AOPEP: variants seen among roughly 807,000 people sequenced by gnomAD.
AOPEP encodes the protein aminopeptidase O (putative).
In AOPEP, 77 loss-of-function variants were observed where a neutral mutation model predicts 98.1. That is an observed-to-expected ratio of 0.78 (90% CI 0.65 to 0.95). The LOEUF (loss-of-function observed/expected upper bound fraction) is 0.95. Among genes scored for constraint, AOPEP ranks in the 40% least tolerant of loss-of-function variants. The pLI is 0.00. For missense variants in AOPEP, 1,024 were observed against 1,024.7 expected (o/e 1.00, Z 0.01); for synonymous variants, 346 against 365.3 (o/e 0.95, Z 0.60).
At chr9:94,974,714 G>A (rs192118509) in intron 10 of AOPEP, among the ~76,000 whole-genome samples, 102 of 152,280 alleles carry the variant, frequency 6.7e-4, no homozygotes, top group African/African-American at 2.4e-3. Flanking sequence ...GGGGAAGTCG[G>A]CATGGTTTGG....
intron 7 of AOPEP, among the ~76,000 whole-genome samples, chr9:94,940,264 T>C (rs999553459): frequency 6.6e-6 from 1 of 152,194 alleles, no homozygotes; most frequent in African/African-American, 2.4e-5. Context: ...TTAGAACATG[T>C]ATGTTAAGTT....
chr9:94,920,608 T>G (rs1053868553), intron 5 of AOPEP, among the ~76,000 whole-genome samples: 1 of 152,184 alleles, frequency 6.6e-6, no homozygotes, highest in Non-Finnish European at 1.5e-5. Context: ...TAAGATCTGA[T>G]GAAATTCTCC....
chr9:94,811,494 C>G (rs968647008), intron 5 of AOPEP, among the ~76,000 whole-genome samples: 1 of 152,154 alleles, frequency 6.6e-6, no homozygotes, highest in Non-Finnish European at 1.5e-5. Context: ...CGTCTGGGCT[C>G]TCTCCACTCC....
intron 5 of AOPEP, among the ~76,000 whole-genome samples, chr9:94,917,683 C>T (rs2053027208): frequency 6.6e-6 from 1 of 152,180 alleles, no homozygotes; most frequent in African/African-American, 2.4e-5. Context: ...ACTGCTACTT[C>T]CCTAACCTCA....
chr9:94,774,180 C>A (rs1265876560), intron 3 of AOPEP, among the ~76,000 whole-genome samples: 3 of 151,674 alleles, frequency 2.0e-5, no homozygotes, highest in Non-Finnish European at 4.4e-5. Flanking sequence ...GGCGTGGGGG[C>A]GGTTGCCTGT....
intron 7 of AOPEP, among the ~76,000 whole-genome samples, chr9:94,943,919 C>CAAAAAAAA (rs775807087): frequency 1.2e-3 from 21 of 17,414 alleles, no homozygotes; most frequent in East Asian, 9.2e-3. Flanking sequence ...GACTCCATCT[C>CAAAAAAAA]AAAAAAAAAA....
At chr9:95,136,375 C>T in the AOPEP span, among the ~76,000 whole-genome samples, 1 of 151,922 alleles carries the variant, frequency 6.6e-6, no homozygotes, top group Non-Finnish European at 1.5e-5. Context: ...AGAGCAAGAC[C>T]CTGTCTCAAA....
chr9:94,911,121 A>G (rs72748594), intron 5 of AOPEP, among the ~76,000 whole-genome samples: 4,963 of 152,282 alleles, frequency 0.033, 207 homozygotes, highest in African/African-American at 0.096. Context: ...CCAGTACCTC[A>G]GTCCTGGGCC....
At chr9:95,019,487 T>TTGCAAA (rs1279600481) in intron 13 of AOPEP, 16 of 152,352 alleles carry the variant, frequency 1.1e-4, no homozygotes, top group Admixed American at 9.8e-4. Context: ...GTTGGAGCTT[T>TTGCAAA]TGCAAATACC....
At chr9:95,094,433 G>A in the AOPEP span, among the ~76,000 whole-genome samples, 1 of 152,158 alleles carries the variant, frequency 6.6e-6, no homozygotes, top group African/African-American at 2.4e-5. Context: ...TCCGCCTGCA[G>A]AACTTTTTCA....
At chr9:95,046,939 T>G (rs1428631066) in intron 13 of AOPEP, among the ~76,000 whole-genome samples, 1 of 152,236 alleles carries the variant, frequency 6.6e-6, no homozygotes, top group African/African-American at 2.4e-5. Context: ...TCTGTTAATT[T>G]TCTTGTTTAA....
At chr9:94,849,157 AGT>A (rs2043221985) in intron 5 of AOPEP, among the ~76,000 whole-genome samples, 1 of 152,244 alleles carries the variant, frequency 6.6e-6, no homozygotes, top group Non-Finnish European at 1.5e-5. Flanking sequence ...AAGGAGAGAA[AGT>A]GTGTCTTAGA....
At chr9:94,942,691 A>T (rs2057136835) in intron 7 of AOPEP, among the ~76,000 whole-genome samples, 1 of 152,214 alleles carries the variant, frequency 6.6e-6, no homozygotes, top group African/African-American at 2.4e-5. Flanking sequence ...CTCCAAAAAA[A>T]TAATTAGAGC....
At chr9:94,936,608 G>C (rs2137278421) in intron 7 of AOPEP, among the ~76,000 whole-genome samples, 1 of 152,274 alleles carries the variant, frequency 6.6e-6, no homozygotes, top group South Asian at 2.1e-4. Flanking sequence ...CACACACCAA[G>C]CAAGCAATAA....
chr9:95,037,393 C>T (rs548267271), intron 13 of AOPEP, among the ~76,000 whole-genome samples: 3 of 152,078 alleles, frequency 2.0e-5, no homozygotes, highest in African/African-American at 7.2e-5. Context: ...CTCCTTGACA[C>T]CTTAAAGTTG....
At chr9:95,093,713 G>A in the AOPEP span, among the ~76,000 whole-genome samples, 10 of 152,134 alleles carry the variant, frequency 6.6e-5, no homozygotes, top group South Asian at 4.2e-4. Context: ...CTTTATACAC[G>A]GAGGGTGGCA....
chr9:94,883,724 A>G (rs1054756347), intron 5 of AOPEP, among the ~76,000 whole-genome samples: 1 of 152,242 alleles, frequency 6.6e-6, no homozygotes, highest in African/African-American at 2.4e-5. Context: ...TCAGAAAAAT[A>G]TATTTCTCTC....
intron 5 of AOPEP, among the ~76,000 whole-genome samples, chr9:94,886,310 G>A (rs960269296): frequency 1.3e-5 from 2 of 152,148 alleles, no homozygotes; most frequent in Non-Finnish European, 2.9e-5. Flanking sequence ...TTCCTGAGAC[G>A]TCCATAAGCT....
chr9:95,010,173 T>C (rs1589252488), intron 13 of AOPEP, among the ~76,000 whole-genome samples: 1 of 152,214 alleles, frequency 6.6e-6, no homozygotes, highest in Non-Finnish European at 1.5e-5. Context: ...AGAATACTTT[T>C]ATTACAGTAC....
Sources: gnomAD v4.1 joint callset for allele counts (sites outside exome capture counted in the v4.1 genomes callset) on GRCh38, gnomAD v4.1.1 for gene constraint, MANE v1.5 for transcripts, NCBI Gene and HGNC (gene_info 2026-07-23, HGNC 2026-07-21) for gene names.